Variants in MMP20 observed in about 807,000 individuals in gnomAD.
MMP20 encodes the protein matrix metallopeptidase 20.
Under a neutral mutation model 51.8 loss-of-function variants are expected in MMP20, and 50 were observed. The ratio of observed to expected loss-of-function variants is 0.97; its 90% CI spans 0.77 to 1.22. MMP20 has a LOEUF of 1.22. Among genes scored for constraint, MMP20 ranks in the 50% most tolerant of loss-of-function variants. The pLI is 0.00. For synonymous variants in MMP20, 244 were observed against 216.2 expected (o/e 1.13, Z -1.13); for missense variants, 663 against 601.4 (o/e 1.10, Z -1.07).
intron 2 of MMP20, among the ~76,000 whole-genome samples, chr11:102,612,938 T>A (rs911322873): frequency 6.6e-6 from 1 of 152,040 alleles, no homozygotes; most frequent in African/African-American, 2.4e-5. Context: ...GGTTTCACCA[T>A]GTTGGCCAGG....
intron 8 of MMP20, among the ~76,000 whole-genome samples, chr11:102,583,895 A>G (rs1181448260): frequency 2.0e-5 from 3 of 152,166 alleles, no homozygotes; most frequent in Admixed American, 6.6e-5. Flanking sequence ...GATTTTCATG[A>G]CTGACATCTT....
intron 8 of MMP20, among the ~76,000 whole-genome samples, chr11:102,579,862 G>A (rs1209651157): frequency 3.9e-5 from 6 of 151,976 alleles, no homozygotes; most frequent in African/African-American, 1.4e-4. Context: ...CTTATTTATT[G>A]TTGTAATTAT....
At chr11:102,619,890 G>A (rs533671963) in intron 1 of MMP20, among the ~76,000 whole-genome samples, 2 of 151,732 alleles carry the variant, frequency 1.3e-5, no homozygotes, top group Non-Finnish European at 2.9e-5. Flanking sequence ...TGGTCATATA[G>A]GCAGGATTGA....
At chr11:102,592,660 G>T (rs1396650355) in intron 8 of MMP20, among the ~76,000 whole-genome samples, 5 of 152,216 alleles carry the variant, frequency 3.3e-5, no homozygotes, top group Non-Finnish European at 7.3e-5. Context: ...GTCTAGCATT[G>T]TCACCTGCTT....
intron 1 of MMP20, among the ~76,000 whole-genome samples, chr11:102,618,105 T>C (rs552775603): frequency 6.6e-6 from 1 of 152,324 alleles, no homozygotes; most frequent in Admixed American, 6.5e-5. Flanking sequence ...ATATAAATGC[T>C]ATGTAAATAG....
chr11:102,600,904 C>T (rs1041436916), intron 6 of MMP20, among the ~76,000 whole-genome samples: 1 of 152,072 alleles, frequency 6.6e-6, no homozygotes, highest in East Asian at 1.9e-4. Flanking sequence ...GTCTGGTGAC[C>T]TTGGCAACAT....
chr11:102,598,039 T>C (rs535520787), intron 6 of MMP20, among the ~76,000 whole-genome samples: 2 of 109,290 alleles, frequency 1.8e-5, no homozygotes, highest in African/African-American at 5.9e-5. Flanking sequence ...AGTGCTGAGA[T>C]TACAGGCGTA....
At chr11:102,623,812 G>A (rs1859781881) in intron 1 of MMP20, among the ~76,000 whole-genome samples, 1 of 152,184 alleles carries the variant, frequency 6.6e-6, no homozygotes, top group Non-Finnish European at 1.5e-5. Context: ...CTCTCCTTCT[G>A]GAGGTCACAA....
At chr11:102,609,148 T>C in intron 4 of MMP20, 50 bp from the exon 5 acceptor site, 3 of 1,511,692 alleles carry the variant, frequency 2.0e-6, no homozygotes, top group Non-Finnish European at 2.8e-6. Flanking sequence ...GTTTTTGTTT[T>C]CTCCATCTTC....
At position 102,611,861 on chromosome 11, in the gene MMP20, G is replaced by C. The variant is rs1206844222; in HGVS notation, c.417C>G (p.Asp139Glu). The part of the protein sequence containing the change: ...YTPSMSSVEV[D>E]KAVEMALQAW... The stretch of plus-strand genomic sequence containing the variant: ...CCTGCAAGGCCATCTCCACTGCTTT[G>C]TCCACCTCGACAGAACTCATGGAAG... The change falls in exon 3 of 10, where the codon GAC becomes GAG. Residue 139 changes from aspartate to glutamate, a missense_variant. Physicochemically the swap from Asp to Glu is conservative, Grantham distance 45 (BLOSUM62 2). Transcript: ENST00000260228. 6.2e-7 allele frequency: 1 copy of C among 1,614,190 alleles called. No homozygotes were observed. The highest frequency in any genetic ancestry group is 2.2e-5 in the East Asian group (1 of 44,888).
chr11:102,609,810 A>G, intron 4 of MMP20, 95 bp downstream of exon 4: 3 of 1,560,694 alleles, frequency 1.9e-6, no homozygotes. Flanking sequence ...CCCCTAGTTA[A>G]AGGGTGGCTT....
At chr11:102,585,371 A>G (rs1859242995) in intron 8 of MMP20, among the ~76,000 whole-genome samples, 1 of 152,108 alleles carries the variant, frequency 6.6e-6, no homozygotes, top group Non-Finnish European at 1.5e-5. Context: ...ATGCTATTCC[A>G]GTTGGAATTG....
At chr11:102,624,844 C>T (rs991242106) in intron 1 of MMP20, among the ~76,000 whole-genome samples, 3 of 152,100 alleles carry the variant, frequency 2.0e-5, no homozygotes, top group African/African-American at 7.2e-5. Context: ...GTGGATTATG[C>T]CTCGGTTTTT....
In MMP20 at chr11:102,579,146, G is replaced by C. The variant is rs1565387538; in HGVS notation, c.1248-4C>G. On this transcript the variant is annotated splice_region_variant and splice_polypyrimidine_tract_variant and intron_variant, in intron 8 of 9. Transcript: ENST00000260228. ...TTTCCTTTTCCTTTCGTCGTAGCTA[G>C]AAAAAGTATTATTTCATAAATAATA... The C allele has an allele frequency of 6.3e-7, 1 of 1,590,140 alleles. No homozygotes were observed.
At chr11:102,618,802 A>G (rs569308626) in intron 1 of MMP20, among the ~76,000 whole-genome samples, 1 of 152,308 alleles carries the variant, frequency 6.6e-6, no homozygotes, top group African/African-American at 2.4e-5. Flanking sequence ...TATATTCCAA[A>G]AGTTTTTACA....
At chr11:102,592,236 T>C (rs1245466872) in intron 8 of MMP20, among the ~76,000 whole-genome samples, 1 of 152,178 alleles carries the variant, frequency 6.6e-6, no homozygotes, top group East Asian at 1.9e-4. Flanking sequence ...TGAATTCCTG[T>C]CATCATGTTT....
intron 6 of MMP20, among the ~76,000 whole-genome samples, chr11:102,604,042 TA>T (rs1859482286): frequency 6.6e-6 from 1 of 151,900 alleles, no homozygotes; most frequent in African/African-American, 2.4e-5. Context: ...TGCTTTTTTT[TA>T]AGAAAACAAT....
At chr11:102,622,119 A>G (rs35089914) in intron 1 of MMP20, among the ~76,000 whole-genome samples, 11,943 of 152,304 alleles carry the variant, frequency 0.078, 599 homozygotes, top group Non-Finnish European at 0.11. Context: ...TCAGAATTTA[A>G]AGGACACAAG....
At chr11:102,586,749 G>A (rs764018174) in intron 8 of MMP20, among the ~76,000 whole-genome samples, 16 of 152,090 alleles carry the variant, frequency 1.1e-4, no homozygotes, top group Non-Finnish European at 1.8e-4. Context: ...CCCGGGAGGC[G>A]GAGCTTGCAG....
Sources: allele counts gnomAD v4.1 joint callset (sites outside exome capture counted in the v4.1 genomes callset), GRCh38; gene constraint gnomAD v4.1.1; transcripts MANE v1.5; gene names NCBI Gene and HGNC (gene_info 2026-07-23, HGNC 2026-07-21).